The following ACTN1 variants were observed in gnomAD, a reference collection of about 807,000 sequenced individuals.
The protein encoded by ACTN1 is alpha-actinin-1.
Under a neutral mutation model 119.6 loss-of-function variants are expected in ACTN1, and 30 were observed. The ratio of observed to expected loss-of-function variants is 0.25; its 90% CI spans 0.19 to 0.34. The LOEUF (loss-of-function observed/expected upper bound fraction) is 0.34. Ranked by LOEUF, ACTN1 falls within the 10% of genes least tolerant of loss-of-function variation. The probability of loss-of-function intolerance (pLI) is 1.00; values close to 1 mark genes in which losing one functional copy is unlikely to be tolerated. For synonymous variants in ACTN1, 429 were observed against 472.6 expected, an observed-to-expected ratio of 0.91 and a Z score of 1.20; for missense variants, 764 against 1,223.4, an observed-to-expected ratio of 0.62 and a Z score of 5.60.
chr14:68,932,973 C>T (rs759228403), intron 1 of ACTN1, among the ~76,000 whole-genome samples: 12 of 152,108 alleles, frequency 7.9e-5, no homozygotes, highest in East Asian at 3.9e-4. Flanking sequence ...ATTTGCTACA[C>T]GCCAGATCCT....
intron 1 of ACTN1, among the ~76,000 whole-genome samples, chr14:68,935,988 C>T (rs1264158796): frequency 6.6e-6 from 1 of 152,270 alleles, no homozygotes; most frequent in African/African-American, 2.4e-5. Flanking sequence ...GATCAGGAAA[C>T]CTGGGACCTG....
At position 68,885,350 on chromosome 14, in the gene ACTN1, C is replaced by CCCA; in HGVS notation, c.1385+72_1385+74dup. 6.6e-7 allele frequency: 1 copy of CCCA among 1,519,584 alleles called. No individual in the cohort carries two copies. Among genetic ancestry groups the CCCA allele is most frequent in the Non-Finnish European group, 8.8e-7 (1 of 1,132,352 alleles). 94.1% of individuals were successfully genotyped at this position (1,519,584 alleles called of 1,614,324 possible). On this transcript the variant is annotated intron_variant, in intron 12 of 21. Coordinates refer to ENST00000394419, the MANE Select transcript of ACTN1 (RefSeq NM_001130004.2). The surrounding 1 kb of genome is among the most constrained non-coding windows in gnomAD (Gnocchi z 5.6). Reference sequence around the variant, plus strand: ...CCTCCCCATCTTCCACGGCCACACCCCCACCTCCCCCAGCAGCTGAGAAAG... The same window carrying CCCA: ...CCTCCCCATCTTCCACGGCCACACCCCCACCACCTCCCCCAGCAGCTGAGAAAG...
At chr14:68,923,884 G>A (rs920236850) in intron 2 of ACTN1, among the ~76,000 whole-genome samples, 2 of 152,140 alleles carry the variant, frequency 1.3e-5, no homozygotes, top group Admixed American at 1.3e-4. Flanking sequence ...ACAAAATGTG[G>A]GGAGCCATTT....
chr14:68,936,930 T>A, intron 1 of ACTN1: 1 of 526,572 alleles, frequency 1.9e-6, no homozygotes, highest in Non-Finnish European at 3.8e-6. Flanking sequence ...AAGGGACTCC[T>A]CCCCTGTCCT....
intron 1 of ACTN1, among the ~76,000 whole-genome samples, chr14:68,971,665 G>C (rs760379466): frequency 3.9e-5 from 6 of 152,092 alleles, no homozygotes; most frequent in Admixed American, 2.6e-4. Context: ...ACTGACAAAC[G>C]CATCTGACAT....
chr14:68,933,134 T>TTATTATTATTA (rs1566652423), intron 1 of ACTN1, among the ~76,000 whole-genome samples: 1 of 151,882 alleles, frequency 6.6e-6, no homozygotes, highest in African/African-American at 2.4e-5. Context: ...TTGTATTTTT[T>TTATTATTATTA]TTATTATTAT....
At chr14:68,896,011 G>A (rs374152599) in intron 8 of ACTN1, among the ~76,000 whole-genome samples, 1 of 152,166 alleles carries the variant, frequency 6.6e-6, no homozygotes, top group African/African-American at 2.4e-5. Flanking sequence ...TCTCCAGAAG[G>A]AGACTGACTG....
At chr14:68,911,624 T>C (rs2034012075) in intron 4 of ACTN1, among the ~76,000 whole-genome samples, 1 of 152,270 alleles carries the variant, frequency 6.6e-6, no homozygotes, top group South Asian at 2.1e-4. Context: ...TATGTGTGTT[T>C]TATCACAGGC....
At chr14:68,935,813 A>T (rs2035473974) in intron 1 of ACTN1, among the ~76,000 whole-genome samples, 1 of 149,466 alleles carries the variant, frequency 6.7e-6, no homozygotes, top group Non-Finnish European at 1.5e-5. Flanking sequence ...AATAAACAAG[A>T]TAACCCACCT....
chr14:68,939,649 G>C (rs1158887563), intron 1 of ACTN1, among the ~76,000 whole-genome samples: 1 of 152,120 alleles, frequency 6.6e-6, no homozygotes, highest in Non-Finnish European at 1.5e-5. Context: ...TGGGGGAGGT[G>C]ATAGCTAAGG....
chr14:68,922,053 A>C (rs11848042), intron 2 of ACTN1, among the ~76,000 whole-genome samples: 6 of 152,158 alleles, frequency 3.9e-5, no homozygotes, highest in Non-Finnish European at 8.8e-5. Flanking sequence ...GCATAGAGCC[A>C]TACCTAGGGA....
In ACTN1 at chr14:68,954,666, G is replaced by C. The variant is rs550102724; in HGVS notation, c.105+24286C>G. Among the ~76,000 whole-genome samples, 27 of 152,204 alleles carry C rather than the reference G, an allele frequency of 1.8e-4. No homozygotes were observed. In the South Asian group the frequency reaches 5.6e-3, roughly 32 times the overall value. On this transcript the variant is annotated intron_variant, in intron 1 of 21. Coordinates refer to ENST00000394419, the MANE Select transcript of ACTN1 (RefSeq NM_001130004.2). ...TTTAAGCATGTCTTTCTTTCAGCTG[G>C]ACAGTTTCCTTAGGACACACTCCTG...
At chr14:68,942,253 C>T (rs2035785662) in intron 1 of ACTN1, among the ~76,000 whole-genome samples, 1 of 152,058 alleles carries the variant, frequency 6.6e-6, no homozygotes, top group South Asian at 2.1e-4. Flanking sequence ...GATGGTGCAC[C>T]CCTATAGTTC....
chr14:68,948,803 C>A (rs1370749892), intron 1 of ACTN1, among the ~76,000 whole-genome samples: 1 of 152,184 alleles, frequency 6.6e-6, no homozygotes, highest in African/African-American at 2.4e-5. Context: ...AGAAAAACAA[C>A]CAGCAGCTCT....
chr14:68,912,410 G>A (rs1157724609), intron 3 of ACTN1, among the ~76,000 whole-genome samples, 168 bp from the exon 4 acceptor site: 1 of 152,050 alleles, frequency 6.6e-6, no homozygotes, highest in Non-Finnish European at 1.5e-5. Flanking sequence ...CAGGGTTTTC[G>A]CTCTGTCACC....
In ACTN1 at chr14:68,909,828, A is replaced by G; in HGVS notation, c.515+127T>C. ...GATGGCGACATCCCCTTCCCAAGGAAAGCTACTTCTTCCCCCAGAGGTCTC... is the reference window on the plus strand; with the variant it reads ...GATGGCGACATCCCCTTCCCAAGGAGAGCTACTTCTTCCCCCAGAGGTCTC... On this transcript the variant is annotated intron_variant, in intron 5 of 21. Transcript: ENST00000394419. This position sits in a 1 kb window ranked among gnomAD's most constrained non-coding sequence, Gnocchi z 4.1. 1.3e-6 allele frequency: 1 copy of G among 748,530 alleles called. No homozygotes were observed. The highest frequency in any genetic ancestry group is 1.8e-5 in the African/African-American group (1 of 57,046). The allele number at this position is 748,530 out of a possible 1,614,324, so 46.4% of individuals were successfully genotyped here. A position where few individuals can be genotyped will look rare whatever the true frequency, so the allele number is the denominator to read the frequency against.
intron 1 of ACTN1, among the ~76,000 whole-genome samples, chr14:68,964,908 G>A (rs111391795): frequency 3.3e-5 from 5 of 152,240 alleles, no homozygotes; most frequent in African/African-American, 1.2e-4. Context: ...AGAGTGTAAG[G>A]GCCCGCATGT....
chr14:68,915,238 C>A (rs576393759), intron 3 of ACTN1, among the ~76,000 whole-genome samples: 4 of 151,120 alleles, frequency 2.6e-5, no homozygotes, highest in South Asian at 2.1e-4. Context: ...GCCTCTTGTT[C>A]CCCCTCCTCC....
In ACTN1 at chr14:68,933,451, T is replaced by C. The variant is rs117582574; in HGVS notation, c.106-7779A>G. ...ACGCCCGGCCACCTCCCTGTATTCT[T>C]ATGCATTGTTCTTGAAACAGTGGCC... is the stretch of plus-strand genomic sequence containing the variant. On this transcript the variant is annotated intron_variant, in intron 1 of 21. Coordinates refer to ENST00000394419, the MANE Select transcript of ACTN1 (RefSeq NM_001130004.2). Among the ~76,000 whole-genome samples, 65 of 152,198 alleles carry C rather than the reference T, an allele frequency of 4.3e-4. No individual in the cohort carries two copies. The East Asian group carries it at 0.011, about 26-fold the overall frequency.
Sources: gnomAD v4.1 joint callset for allele counts (sites outside exome capture counted in the v4.1 genomes callset) on GRCh38, gnomAD v4.1.1 for gene constraint, Gnocchi (gnomAD v3.1) non-coding constraint, MANE v1.5 for transcripts, NCBI Gene and HGNC (gene_info 2026-07-23, HGNC 2026-07-21) for gene names.